The following TLN1 variants were observed in gnomAD, a reference collection of about 807,000 sequenced individuals.
TLN1 encodes the protein talin-1.
Under a neutral mutation model 292.3 loss-of-function variants are expected in TLN1, and 56 were observed. The ratio of observed to expected loss-of-function variants is 0.19; its 90% CI spans 0.15 to 0.24. The LOEUF is 0.24. Ranked by LOEUF, TLN1 falls within the 10% of genes least tolerant of loss-of-function variation. The probability of loss-of-function intolerance (pLI) is 1.00; values close to 1 mark genes in which losing one functional copy is unlikely to be tolerated. For synonymous variants in TLN1, 1,119 were observed against 1,253.7 expected (o/e 0.89, Z 2.27); for missense variants, 2,433 against 3,248.2 (o/e 0.75, Z 6.10).
intron 25 of TLN1, 130 bp downstream of exon 25, chr9:35,713,818 GAAAGA>G (rs915386531): frequency 3.3e-5 from 31 of 927,802 alleles, no homozygotes; most frequent in Non-Finnish European, 4.6e-5. Context: ...GAAGGAAGAA[GAAAGA>G]AAAGAAAAAT....
Position 35,721,760 on chromosome 9 carries a change from C to G in TLN1, c.992G>C (p.Gly331Ala). ...TCGCATCACACACTCCTTGGTGATG[C>G]CCAGAAGCCTGGGCACTAGCTTGTT... ...GKNKLVPRLLGITKECVMRVD... is the reference protein window; with the variant it reads ...GKNKLVPRLLAITKECVMRVD... The change falls in exon 10 of 57, where the codon GGC becomes GCC. Residue 331 changes from glycine (G) to alanine (A), a missense_variant. Physicochemically the swap from Gly to Ala is moderately conservative, Grantham distance 60. This residue lies in a region of TLN1 where 57 missense variants were observed against 136.5 expected (regional missense o/e 0.42). Transcript: ENST00000314888. 1 of 1,613,466 alleles carries G rather than the reference C, an allele frequency of 6.2e-7. No homozygotes were observed. The highest frequency in any genetic ancestry group is 8.5e-7 in the Non-Finnish European group (1 of 1,179,404).
In TLN1 at chr9:35,725,506, C is replaced by A. The variant is rs1046010928; in HGVS notation, c.130+59G>T. On this transcript the variant is annotated intron_variant, in intron 2 of 56. Coordinates refer to ENST00000314888, the MANE Select transcript of TLN1 (RefSeq NM_006289.4). ...AGGGGTCAACTCTCAAGGCCGAGAGCCTGGGAACAAGAAGGGACTGAAGAC... is the reference window on the plus strand; with the variant it reads ...AGGGGTCAACTCTCAAGGCCGAGAGACTGGGAACAAGAAGGGACTGAAGAC... 17 of 1,593,192 alleles carry A rather than the reference C, an allele frequency of 1.1e-5. No individual in the cohort carries two copies. In the African/African-American group the frequency reaches 2.0e-4, roughly 19 times the overall value.
intron 2 of TLN1, 38 bp from the exon 3 acceptor site, chr9:35,725,359 C>T (rs749737659): frequency 5.6e-6 from 9 of 1,600,892 alleles, no homozygotes; most frequent in Non-Finnish European, 7.7e-6. Flanking sequence ...CTTATGAAGA[C>T]CCCAATGTGG....
Position 35,724,720 on chromosome 9 carries a change from G to A in TLN1, c.363C>T (p.Ile121=). 1 of 1,614,046 alleles carries A rather than the reference G, an allele frequency of 6.2e-7. No individual in the cohort carries two copies. Among genetic ancestry groups the A allele is most frequent in the Non-Finnish European group, 8.5e-7 (1 of 1,180,024 alleles). The change falls in exon 5 of 57, where the codon ATC becomes ATT. Residue 121 remains isoleucine (I), a synonymous_variant. Coordinates refer to ENST00000314888, the MANE Select transcript of TLN1 (RefSeq NM_006289.4). The surrounding 1 kb of genome is among the most constrained non-coding windows in gnomAD (Gnocchi z 4.7). The part of the protein sequence containing the change: ...MLMTICARIG[I]TNHDEYSLVR... ...CCAATGAATATTCATCATGATTGGT[G>A]ATGCCTGAGGAAGGAGATGGCTTGT...
chr9:35,724,600 T>G lies in TLN1; in HGVS notation c.483A>C (p.Leu161=), dbSNP rs754622493. 19 of 1,614,088 alleles carry G rather than the reference T, an allele frequency of 1.2e-5. No homozygotes were observed. The highest frequency in any genetic ancestry group is 1.4e-5 in the Non-Finnish European group (17 of 1,180,046). The change falls in exon 5 of 57, where the codon CTA becomes CTC. Residue 161 remains leucine (L), a synonymous_variant. Coordinates refer to ENST00000314888, the MANE Select transcript of TLN1 (RefSeq NM_006289.4). This position sits in a 1 kb window ranked among gnomAD's most constrained non-coding sequence, Gnocchi z 4.7. ...CATCATCTGTGTGCAATTTCTGCTT[T>G]AGTTTCTCCATCTTCTTTTCATCTC... ...LLRDEKKMEK[L]KQKLHTDDEL...
rs1165101466 is a variant in TLN1 at position 35,697,627 on chromosome 9, G to T, written c.*164C>A. Reference sequence around the variant, plus strand: ...TGAAGGCACTTGGGGTTGGGGAGGGGACAGGGGATGTACTGCGGGACTGGG... The same window carrying T: ...TGAAGGCACTTGGGGTTGGGGAGGGTACAGGGGATGTACTGCGGGACTGGG... On this transcript the variant is annotated 3_prime_UTR_variant, in exon 57 of 57. Coordinates refer to ENST00000314888, the MANE Select transcript of TLN1 (RefSeq NM_006289.4). 4 of 1,025,418 alleles carry T rather than the reference G, an allele frequency of 3.9e-6. No individual in the cohort carries two copies. The highest frequency in any genetic ancestry group is 4.2e-6 in the Non-Finnish European group (3 of 711,548). The allele number at this position is 1,025,418 out of a possible 1,614,324, so 63.5% of individuals were successfully genotyped here.
Position 35,719,832 on chromosome 9 carries a change from T to C in TLN1, c.1486A>G (p.Thr496Ala). The change falls in exon 14 of 57, where the codon ACT becomes GCT. Residue 496 changes from threonine to alanine, a missense_variant. Thr to Ala is a moderately conservative substitution (Grantham distance 58). Around this residue, in one of 7 missense-constraint regions of TLN1, gnomAD observed 617 missense variants for 770.6 expected, o/e 0.80. Transcript: ENST00000314888. This position sits in a 1 kb window ranked among gnomAD's most constrained non-coding sequence, Gnocchi z 4.6. ...PPLTSAQQAL[T>A]GTINSSMQAV... The stretch of plus-strand genomic sequence containing the variant: ...TGCATGCTGGAGTTAATGGTTCCAG[T>C]GAGTGCCTGCTGGGCTGAAGTCTAA... 6.3e-7 allele frequency: 1 copy of C among 1,591,222 alleles called. No homozygotes were observed. The highest frequency in any genetic ancestry group is 1.1e-5 in the South Asian group (1 of 87,992).
chr9:35,727,431 G>A (rs892848455), intron 1 of TLN1, among the ~76,000 whole-genome samples: 28 of 152,132 alleles, frequency 1.8e-4, no homozygotes, highest in South Asian at 4.1e-4. Context: ...CTAGATCAGC[G>A]GTCTGGTACC....
intron 33 of TLN1, among the ~76,000 whole-genome samples, chr9:35,710,222 C>CAAAAAA (rs68036045): frequency 4.6e-4 from 31 of 66,718 alleles, no homozygotes; most frequent in Non-Finnish European, 7.8e-4. Flanking sequence ...AACGCTGTCT[C>CAAAAAA]AAAAAAAAAA....
In TLN1 at chr9:35,725,340, C is replaced by A; in HGVS notation, c.131-19G>T. On this transcript the variant is annotated intron_variant, in intron 2 of 56. Coordinates refer to ENST00000314888, the MANE Select transcript of TLN1 (RefSeq NM_006289.4). ...TCGCTGGCTAAAAGAGAGGATGGAT[C>A]ACTTTAGGCTTATGAAGACCCCAAT... 1.2e-6 allele frequency: 2 copies of A among 1,612,596 alleles called. No individual in the cohort carries two copies. The highest frequency in any genetic ancestry group is 2.2e-5 in the South Asian group (2 of 90,980).
intron 9 of TLN1, 138 bp from the exon 10 acceptor site, chr9:35,721,941 G>A: frequency 7.9e-7 from 1 of 1,265,160 alleles, no homozygotes; most frequent in Non-Finnish European, 1.1e-6. Context: ...GGGTAGGGAG[G>A]GAAGTGGTGG....
At position 35,705,741 on chromosome 9, in the gene TLN1, C is replaced by A. The variant is rs764139605; in HGVS notation, c.5613+9G>T. On this transcript the variant is annotated intron_variant, in intron 42 of 56. Transcript: ENST00000314888. ...CGAGGGCAGTCCTCTGGGACTCGCC[C>A]AAACTCACCATCTCCTGAACGGTCA... The A allele has an allele frequency of 1.9e-6, 3 of 1,614,112 alleles. No individual in the cohort carries two copies. Among genetic ancestry groups the A allele is most frequent in the Non-Finnish European group, 2.5e-6 (3 of 1,180,044 alleles).
chr9:35,724,561 G>T lies in TLN1; in HGVS notation c.511+11C>A. The T allele has an allele frequency of 6.2e-7, 1 of 1,605,534 alleles. No individual in the cohort carries two copies. The highest frequency in any genetic ancestry group is 1.1e-5 in the South Asian group (1 of 89,676). On this transcript the variant is annotated intron_variant, in intron 5 of 56. Transcript: ENST00000314888. The surrounding 1 kb of genome is among the most constrained non-coding windows in gnomAD (Gnocchi z 4.7). ...CATTTCAAAAGCCCTCTTTTTTCTA[G>T]TTCTGCTTACACTCATCATCTGTGT...
At chr9:35,703,701 G>A in intron 47 of TLN1, 25 bp from the exon 48 acceptor site, 1 of 1,614,154 alleles carries the variant, frequency 6.2e-7, no homozygotes, top group Non-Finnish European at 8.5e-7. Context: ...GGAGTGAAGA[G>A]GAATGATTTT....
intron 19 of TLN1, 145 bp from the exon 20 acceptor site, chr9:35,716,701 T>C: frequency 1.1e-6 from 1 of 870,544 alleles, no homozygotes; most frequent in African/African-American, 1.7e-5. Flanking sequence ...TCTTGCATCA[T>C]TTCTTTGGGG....
chr9:35,717,084 T>A lies in TLN1; in HGVS notation c.2458+62A>T. Reference sequence around the variant, plus strand: ...AGTGGTTAGGTCCGCAAGGGGATGATGTCCAGTGGGCTTAGGGAACCCTGG... The same window carrying A: ...AGTGGTTAGGTCCGCAAGGGGATGAAGTCCAGTGGGCTTAGGGAACCCTGG... On this transcript the variant is annotated intron_variant, in intron 19 of 56. Coordinates refer to ENST00000314888, the MANE Select transcript of TLN1 (RefSeq NM_006289.4). This position sits in a 1 kb window ranked among gnomAD's most constrained non-coding sequence, Gnocchi z 4.7. 6.5e-7 allele frequency: 1 copy of A among 1,531,258 alleles called. No individual in the cohort carries two copies. Among genetic ancestry groups the A allele is most frequent in the Non-Finnish European group, 8.8e-7 (1 of 1,135,898 alleles). The allele number at this position is 1,531,258 out of a possible 1,614,324, so 94.9% of individuals were successfully genotyped here.
rs1293063230 is a variant in TLN1, at chr9:35,722,971, A to G, written c.783-50T>C. 4 of 1,562,282 alleles carry G rather than the reference A, an allele frequency of 2.6e-6. No individual in the cohort carries two copies. The South Asian group carries it at 3.3e-5, about 13-fold the overall frequency. ...CATGTGGTAGACAGCATCAGGGGAC[A>G]TGTGGGCCATGAACTGTGGGCCTGG... is the stretch of plus-strand genomic sequence containing the variant. On this transcript the variant is annotated intron_variant, in intron 7 of 56. Coordinates refer to ENST00000314888, the MANE Select transcript of TLN1 (RefSeq NM_006289.4).
intron 1 of TLN1, among the ~76,000 whole-genome samples, chr9:35,727,689 C>T (rs1222019995): frequency 1.3e-5 from 2 of 152,124 alleles, no homozygotes; most frequent in African/African-American, 2.4e-5. Context: ...CTGGTGGATC[C>T]GAGAAGCTGG....
chr9:35,724,723 G>A lies in TLN1; in HGVS notation c.360C>T (p.Gly120=). 6.2e-7 allele frequency: 1 copy of A among 1,614,106 alleles called. No homozygotes were observed. Among genetic ancestry groups the A allele is most frequent in the Non-Finnish European group, 8.5e-7 (1 of 1,180,012 alleles). ...ATGAATATTCATCATGATTGGTGATGCCTGAGGAAGGAGATGGCTTGTTAG... is the reference window on the plus strand; with the variant it reads ...ATGAATATTCATCATGATTGGTGATACCTGAGGAAGGAGATGGCTTGTTAG... The part of the protein sequence containing the change: ...DMLMTICARI[G]ITNHDEYSLV... The change falls in exon 5 of 57, where the codon GGC becomes GGT. Residue 120 remains glycine (G), a splice_region_variant and synonymous_variant. Transcript: ENST00000314888. This position sits in a 1 kb window ranked among gnomAD's most constrained non-coding sequence, Gnocchi z 4.7.
Sources: allele counts gnomAD v4.1 joint callset (sites outside exome capture counted in the v4.1 genomes callset), GRCh38; gene constraint gnomAD v4.1.1; regional missense constraint gnomAD v4.1.1; non-coding constraint Gnocchi (gnomAD v3.1); transcripts MANE v1.5; gene names NCBI Gene and HGNC (gene_info 2026-07-23, HGNC 2026-07-21).